The following MAPK4 variants were observed in gnomAD, a reference collection of about 807,000 sequenced individuals.
MAPK4 encodes the protein Erk3-related.
In MAPK4, 22 loss-of-function variants were observed where a neutral mutation model predicts 47.7. That is an observed-to-expected ratio of 0.46 (90% CI 0.33 to 0.66). MAPK4 has a LOEUF of 0.66. MAPK4 is among the 30% of genes least tolerant of loss of function. MAPK4 has a pLI of 0.02. For missense variants in MAPK4, 736 were observed against 831.7 expected (o/e 0.88, Z 1.42); for synonymous variants, 390 against 365.7 (o/e 1.07, Z -0.76).
At chr18:50,707,347 A>G (rs1367983268) in intron 2 of MAPK4, among the ~76,000 whole-genome samples, 2 of 152,140 alleles carry the variant, frequency 1.3e-5, no homozygotes, top group African/African-American at 4.8e-5. Context: ...AGGCAGGTGG[A>G]TCACTTGAGC....
chr18:50,664,625 G>C lies in MAPK4; in HGVS notation c.546+121G>C. 1.8e-6 allele frequency: 2 copies of C among 1,130,618 alleles called. No homozygotes were observed. Among genetic ancestry groups the C allele is most frequent in the Admixed American group, 5.1e-5 (2 of 39,378 alleles). 70.0% of individuals were successfully genotyped at this position (1,130,618 alleles called of 1,614,324 possible). A position where few individuals can be genotyped will look rare whatever the true frequency, so the allele number is the denominator to read the frequency against. ...AGGACTAGAGTTAGTAATTAGGGGAGGCTGGAGGGTGCTAGGAAGATCACT... is the reference window on the plus strand; with the variant it reads ...AGGACTAGAGTTAGTAATTAGGGGACGCTGGAGGGTGCTAGGAAGATCACT... On this transcript the variant is annotated intron_variant, in intron 2 of 5. Coordinates refer to ENST00000400384, the MANE Select transcript of MAPK4 (RefSeq NM_002747.4). This position sits in a 1 kb window ranked among gnomAD's most constrained non-coding sequence, Gnocchi z 6.0.
chr18:50,723,193 C>G (rs1341724681), intron 4 of MAPK4, among the ~76,000 whole-genome samples: 1 of 152,194 alleles, frequency 6.6e-6, no homozygotes, highest in African/African-American at 2.4e-5. Context: ...GGGACCCAGG[C>G]CATCAGGTCT....
At chr18:50,590,977 A>T (rs1436525063) in intron 1 of MAPK4, among the ~76,000 whole-genome samples, 1 of 152,220 alleles carries the variant, frequency 6.6e-6, no homozygotes, top group African/African-American at 2.4e-5. Context: ...CCATTTAAGG[A>T]ACCTATTCTT....
chr18:50,720,258 C>T (rs948947588), intron 3 of MAPK4, among the ~76,000 whole-genome samples: 1 of 152,210 alleles, frequency 6.6e-6, no homozygotes, highest in Non-Finnish European at 1.5e-5. Flanking sequence ...CTCAAAGCCA[C>T]TCTTCCCCAC....
chr18:50,599,622 T>G (rs2042517369), intron 1 of MAPK4, among the ~76,000 whole-genome samples: 1 of 152,162 alleles, frequency 6.6e-6, no homozygotes, highest in Non-Finnish European at 1.5e-5. Flanking sequence ...TTTTGCCATG[T>G]TGCCCAGGCT....
At chr18:50,650,522 C>T (rs778358105) in intron 1 of MAPK4, among the ~76,000 whole-genome samples, 1 of 152,224 alleles carries the variant, frequency 6.6e-6, no homozygotes, top group Non-Finnish European at 1.5e-5. Flanking sequence ...TGAACAGAGG[C>T]ATCTTTTGTG....
At chr18:50,716,755 C>A (rs141604301) in intron 3 of MAPK4, among the ~76,000 whole-genome samples, 92 of 152,300 alleles carry the variant, frequency 6.0e-4, no homozygotes, top group African/African-American at 2.1e-3. Flanking sequence ...TTGGCCTCAG[C>A]CTCCCTGTGA....
intron 1 of MAPK4, among the ~76,000 whole-genome samples, chr18:50,598,661 T>C (rs28437750): frequency 0.032 from 4,879 of 152,306 alleles, 281 homozygotes; most frequent in African/African-American, 0.11. Context: ...TTTATTTGGA[T>C]TTCACTAACT....
At chr18:50,640,983 G>A (rs572022800) in intron 1 of MAPK4, among the ~76,000 whole-genome samples, 1 of 152,264 alleles carries the variant, frequency 6.6e-6, no homozygotes, top group Non-Finnish European at 1.5e-5. Context: ...ACAAATCAGC[G>A]TTTTTGTCTT....
In MAPK4 at chr18:50,717,805, G is replaced by A. The variant is rs1172463828; in HGVS notation, c.691+2582G>A. 2.0e-5 allele frequency among the ~76,000 whole-genome samples: 3 copies of A among 152,168 alleles called. No homozygotes were observed. In the East Asian group the frequency reaches 5.8e-4, roughly 29 times the overall value. On this transcript the variant is annotated intron_variant, in intron 3 of 5. Coordinates refer to ENST00000400384, the MANE Select transcript of MAPK4 (RefSeq NM_002747.4). ...TAGAGTGACCACATATGGGCAGCTG[G>A]TGTAATAATTAGCTCATGGGCACTG...
chr18:50,626,135 G>C (rs1176370182), intron 1 of MAPK4, among the ~76,000 whole-genome samples: 1 of 152,130 alleles, frequency 6.6e-6, no homozygotes, highest in East Asian at 1.9e-4. Flanking sequence ...ACTGGAAGAA[G>C]ACCACCCACA....
At chr18:50,706,302 A>G (rs1266158737) in intron 2 of MAPK4, among the ~76,000 whole-genome samples, 1 of 152,060 alleles carries the variant, frequency 6.6e-6, no homozygotes. Context: ...AAGCAGGTGA[A>G]CTCAAGACCT....
Position 50,729,416 on chromosome 18 carries a change from G to A in MAPK4, c.1326G>A (p.Leu442=). Residue 442 remains leucine, a synonymous_variant, in exon 6 of 6, where the codon CTG becomes CTA. Coordinates refer to ENST00000400384, the MANE Select transcript of MAPK4 (RefSeq NM_002747.4). ...VGSPSYLDKL[L]WRDNKPHHYS... ...CGCCGTCCTACCTGGACAAGCTGCT[G>A]TGGCGCGACAACAAGCCGCACCACT... The A allele has an allele frequency of 6.4e-7, 1 of 1,554,364 alleles. No individual in the cohort carries two copies. Among genetic ancestry groups the A allele is most frequent in the Non-Finnish European group, 8.7e-7 (1 of 1,151,156 alleles).
At chr18:50,581,506 G>A (rs2042344528) in intron 1 of MAPK4, among the ~76,000 whole-genome samples, 1 of 152,208 alleles carries the variant, frequency 6.6e-6, no homozygotes, top group Non-Finnish European at 1.5e-5. Flanking sequence ...AAATGGCATG[G>A]TCATTGCCCT....
chr18:50,575,184 G>A (rs747567921), intron 1 of MAPK4, among the ~76,000 whole-genome samples: 2 of 152,180 alleles, frequency 1.3e-5, no homozygotes, highest in African/African-American at 2.4e-5. Flanking sequence ...TCTGCCTTCT[G>A]CCATATGAGG....
intron 1 of MAPK4, among the ~76,000 whole-genome samples, chr18:50,656,416 C>G (rs763010953): frequency 9.9e-5 from 15 of 152,208 alleles, no homozygotes; most frequent in South Asian, 6.2e-4. Context: ...AGGGATCCCC[C>G]CATAGGGCTG....
rs896177349 is a variant in MAPK4, at chr18:50,715,216, C to T, written c.684C>T (p.Leu228=). The change falls in exon 3 of 6, where the codon CTC becomes CTT. Residue 228 remains leucine (L), a synonymous_variant. Transcript: ENST00000400384. ...CTGAGATGCTTACGGGGAGAATGCTCTTTGCTGGTGAGTTGCTAACTATGC... is the reference window on the plus strand; with the variant it reads ...CTGAGATGCTTACGGGGAGAATGCTTTTTGCTGGTGAGTTGCTAACTATGC... ...ILAEMLTGRM[L]FAGAHELEQM... is the part of the protein sequence containing the mutation. 1.2e-6 allele frequency: 2 copies of T among 1,613,586 alleles called. No homozygotes were observed. Among genetic ancestry groups the T allele is most frequent in the African/African-American group, 1.3e-5 (1 of 74,898 alleles).
At chr18:50,638,513 A>G (rs921620653) in intron 1 of MAPK4, among the ~76,000 whole-genome samples, 33 of 152,160 alleles carry the variant, frequency 2.2e-4, no homozygotes, top group African/African-American at 8.0e-4. Flanking sequence ...AGGTTTCCGT[A>G]TTTACTGCCG....
At chr18:50,604,921 T>C (rs1250726136) in intron 1 of MAPK4, among the ~76,000 whole-genome samples, 1 of 152,214 alleles carries the variant, frequency 6.6e-6, no homozygotes, top group Non-Finnish European at 1.5e-5. Context: ...GATTTGAGGC[T>C]CTGTAACAAA....
Sources: allele counts gnomAD v4.1 joint callset (sites outside exome capture counted in the v4.1 genomes callset), GRCh38; gene constraint gnomAD v4.1.1; non-coding constraint Gnocchi (gnomAD v3.1); transcripts MANE v1.5; gene names NCBI Gene and HGNC (gene_info 2026-07-23, HGNC 2026-07-21).